TRAPPC8: variants seen among roughly 807,000 people sequenced by gnomAD.
TRAPPC8 encodes general sporulation gene 1 homolog.
Under a neutral mutation model 174.3 loss-of-function variants are expected in TRAPPC8, and 54 were observed. The observed-to-expected ratio is 0.31, with a 90% CI of 0.25 to 0.39. TRAPPC8 has a LOEUF of 0.39. Ranked by LOEUF, TRAPPC8 falls within the 10% of genes least tolerant of loss-of-function variation. The pLI, the probability that TRAPPC8 is intolerant of heterozygous loss-of-function variation, is 1.00. For missense variants in TRAPPC8, 1,531 were observed against 1,699.1 expected, an observed-to-expected ratio of 0.90 and a Z score of 1.74; for synonymous variants, 630 against 579.9, an observed-to-expected ratio of 1.09 and a Z score of -1.24.
At chr18:31,863,359 C>G (rs1300285691) in intron 19 of TRAPPC8, among the ~76,000 whole-genome samples, 1 of 152,108 alleles carries the variant, frequency 6.6e-6, no homozygotes, top group Non-Finnish European at 1.5e-5. Context: ...CCAGTAATTC[C>G]ATTTTTAAAG....
At chr18:31,941,430 C>A (rs1488025933) in intron 1 of TRAPPC8, among the ~76,000 whole-genome samples, 2 of 151,788 alleles carry the variant, frequency 1.3e-5, no homozygotes, top group South Asian at 4.2e-4. Context: ...GCAACAAGAG[C>A]GAAACTCCAT....
intron 14 of TRAPPC8, 135 bp downstream of exon 14, chr18:31,873,295 G>A (rs1354344526): frequency 1.6e-5 from 11 of 685,682 alleles, no homozygotes; most frequent in African/African-American, 3.7e-5. Context: ...GGGATTACAG[G>A]CATGAGCCAA....
intron 5 of TRAPPC8, among the ~76,000 whole-genome samples, chr18:31,912,809 C>T (rs765723871): frequency 4.6e-5 from 7 of 152,250 alleles, no homozygotes; most frequent in Admixed American, 2.0e-4. Flanking sequence ...CAATTCTTAA[C>T]GTGTAATTCA....
rs1269636656 is a variant in TRAPPC8, at chr18:31,857,984, T to TG, written c.2746-3dup. 6.3e-7 allele frequency: 1 copy of TG among 1,575,686 alleles called. No homozygotes were observed. The highest frequency in any genetic ancestry group is 8.6e-7 in the Non-Finnish European group (1 of 1,162,950). The stretch of plus-strand genomic sequence containing the variant: ...TGTAGGAAAATGTATAAAGAACACC[T>TG]GCATTGGAGGGAAAAAATATTATTA... On this transcript the variant is annotated splice_region_variant and splice_polypyrimidine_tract_variant and intron_variant, in intron 19 of 28. Transcript: ENST00000283351.
At chr18:31,936,249 A>G (rs2038092245) in intron 1 of TRAPPC8, among the ~76,000 whole-genome samples, 1 of 151,374 alleles carries the variant, frequency 6.6e-6, no homozygotes, top group Non-Finnish European at 1.5e-5. Flanking sequence ...GCTTGAGTCC[A>G]AGAGTTCAAG....
chr18:31,897,225 T>G (rs147723243), intron 11 of TRAPPC8, among the ~76,000 whole-genome samples: 452 of 152,376 alleles, frequency 3.0e-3, no homozygotes, highest in African/African-American at 9.3e-3. Flanking sequence ...GCAGTCAATG[T>G]AACTCAATAA....
chr18:31,842,848 C>T lies in TRAPPC8; in HGVS notation c.3838-3391G>A, dbSNP rs146124564. Among the ~76,000 whole-genome samples the T allele has an allele frequency of 2.0e-5, 3 of 152,280 alleles. No homozygotes were observed. In the East Asian group the frequency reaches 5.8e-4, roughly 29 times the overall value. ...TCCAAAATCCAAAACACTTTGGGTACCAGCATTTCAGAGAAGGGATACTCA... is the reference window on the plus strand; with the variant it reads ...TCCAAAATCCAAAACACTTTGGGTATCAGCATTTCAGAGAAGGGATACTCA... On this transcript the variant is annotated intron_variant, in intron 26 of 28. Transcript: ENST00000283351.
intron 16 of TRAPPC8, among the ~76,000 whole-genome samples, chr18:31,869,522 A>T (rs959018615): frequency 6.6e-6 from 1 of 152,138 alleles, no homozygotes; most frequent in Admixed American, 6.6e-5. Context: ...CATGCCCTGG[A>T]ATCTTCCCCA....
Position 31,913,492 on chromosome 18 carries a change from C to G in TRAPPC8, c.648G>C (p.Gln216His). The change falls in exon 5 of 29, where the codon CAG becomes CAC. Residue 216 changes from glutamine to histidine, a missense_variant. Physicochemically the swap from Gln to His is conservative, Grantham distance 24. Coordinates refer to ENST00000283351, the MANE Select transcript of TRAPPC8 (RefSeq NM_014939.5). The stretch of plus-strand genomic sequence containing the variant: ...AATAGCAACCCTGAGTTCCATATTT[C>G]TGTTTCATTTCTTCATAAATTGATT... ...RAESIYEEMK[Q>H]KYGTQGCYLL... is the part of the protein sequence containing the mutation. 6.3e-7 allele frequency: 1 copy of G among 1,597,652 alleles called. No individual in the cohort carries two copies. The highest frequency in any genetic ancestry group is 8.5e-7 in the Non-Finnish European group (1 of 1,176,010).
At chr18:31,854,965 C>CAA (rs71175798) in intron 21 of TRAPPC8, among the ~76,000 whole-genome samples, 13,695 of 45,298 alleles carry the variant, frequency 0.3, 2,193 homozygotes, top group Middle Eastern at 0.39. Context: ...GACTCCATCT[C>CAA]AAAAAAAAAA....
intron 20 of TRAPPC8, among the ~76,000 whole-genome samples, 182 bp downstream of exon 20, chr18:31,857,358 T>G (rs1303656492): frequency 6.6e-6 from 1 of 152,202 alleles, no homozygotes; most frequent in Admixed American, 6.5e-5. Flanking sequence ...TAAATTTTAT[T>G]TTTTCATTTT....
chr18:31,847,299 A>G (rs2033459725), intron 25 of TRAPPC8, among the ~76,000 whole-genome samples: 1 of 152,122 alleles, frequency 6.6e-6, no homozygotes, highest in Admixed American at 6.5e-5. Flanking sequence ...GCTTTAAAAA[A>G]GGCTTTTTTC....
At chr18:31,837,032 G>T (rs1598581091) in intron 27 of TRAPPC8, among the ~76,000 whole-genome samples, 1 of 152,012 alleles carries the variant, frequency 6.6e-6, no homozygotes, top group Non-Finnish European at 1.5e-5. Flanking sequence ...AAAGTGCTGG[G>T]ATTACAGGCG....
chr18:31,843,114 A>G (rs1199815784), intron 26 of TRAPPC8, among the ~76,000 whole-genome samples: 1 of 152,184 alleles, frequency 6.6e-6, no homozygotes, highest in Admixed American at 6.5e-5. Flanking sequence ...AAATGTTTCT[A>G]AAACACTTTA....
At chr18:31,858,406 G>C (rs1044717797) in intron 19 of TRAPPC8, among the ~76,000 whole-genome samples, 1 of 152,162 alleles carries the variant, frequency 6.6e-6, no homozygotes, top group African/African-American at 2.4e-5. Flanking sequence ...AGATATGCCA[G>C]ATTTACTATG....
At chr18:31,877,568 G>A (rs1201230390) in intron 12 of TRAPPC8, among the ~76,000 whole-genome samples, 19 of 139,500 alleles carry the variant, frequency 1.4e-4, no homozygotes, top group African/African-American at 3.3e-4. Context: ...AGCCAAGATC[G>A]CGCCACTGCA....
At position 31,849,749 on chromosome 18, in the gene TRAPPC8, G is replaced by GA; in HGVS notation, c.3562-11dup. 2.5e-6 allele frequency: 4 copies of GA among 1,574,098 alleles called. No individual in the cohort carries two copies. The highest frequency in any genetic ancestry group is 3.4e-6 in the Non-Finnish European group (4 of 1,163,270). On this transcript the variant is annotated splice_polypyrimidine_tract_variant and intron_variant, in intron 24 of 28. Transcript: ENST00000283351. The stretch of plus-strand genomic sequence containing the variant: ...TTGCTGAACTTATTATCTGTTAAAA[G>GA]AAAATCACTTGTGTTCATAAATGCT...
rs751064774 is a variant in TRAPPC8 at position 31,870,981 on chromosome 18, T to C, written c.2202A>G (p.Gln734=). 6.2e-7 allele frequency: 1 copy of C among 1,610,942 alleles called. No homozygotes were observed. The change falls in exon 15 of 29, where the codon CAA becomes CAG. Residue 734 remains glutamine, a synonymous_variant. Coordinates refer to ENST00000283351, the MANE Select transcript of TRAPPC8 (RefSeq NM_014939.5). The part of the protein sequence containing the change: ...GVIPSNFHPT[Q]YCLNSYSDNS... ...TATCTGAGTAACTGTTCAAACAGTA[T>C]TGTGTGGGATGAAAATTGGATGGAA...
Position 31,870,472 on chromosome 18 carries a change from T to C in TRAPPC8, c.2288A>G (p.Asn763Ser). The C allele has an allele frequency of 6.2e-7, 1 of 1,612,026 alleles. No homozygotes were observed. The highest frequency in any genetic ancestry group is 1.1e-5 in the South Asian group (1 of 90,690). Residue 763 changes from asparagine to serine, a missense_variant, in exon 16 of 29, where the codon AAC (asparagine) becomes AGC (serine). By Grantham distance (46) the Asn-to-Ser change is conservative. Transcript: ENST00000283351. ...EPITVEVAFR[N>S]PLKVLLLLTD... ...CAACAAAAGTAGAACTTTCAAAGGG[T>C]TTCTAAAAGCCACTTCCACTGTAAT...
Sources: allele counts gnomAD v4.1 joint callset (sites outside exome capture counted in the v4.1 genomes callset), GRCh38; gene constraint gnomAD v4.1.1; transcripts MANE v1.5; gene names NCBI Gene and HGNC (gene_info 2026-07-23, HGNC 2026-07-21).